The following SUV39H2 variants were observed in gnomAD, a reference collection of about 807,000 sequenced individuals.
SUV39H2 encodes the protein histone-lysine N-methyltransferase SUV39H2.
In SUV39H2, 10 loss-of-function variants were observed where a neutral mutation model predicts 47.5. That is an observed-to-expected ratio of 0.21 (90% CI 0.13 to 0.36). SUV39H2 has a LOEUF of 0.36. Among genes scored for constraint, SUV39H2 ranks in the 10% least tolerant of loss-of-function variants. The pLI is 1.00. For synonymous variants in SUV39H2, 159 were observed against 166.8 expected (o/e 0.95, Z 0.36); for missense variants, 266 against 487.4 (o/e 0.55, Z 4.28).
intron 3 of SUV39H2, 135 bp downstream of exon 3, chr10:14,897,652 G>A: frequency 1.3e-6 from 1 of 776,160 alleles, no homozygotes; most frequent in Non-Finnish European, 1.8e-6. Flanking sequence ...AATTTATTCA[G>A]ATTTAGGAGA....
chr10:14,886,932 C>G (rs1833228814), intron 2 of SUV39H2, among the ~76,000 whole-genome samples: 1 of 152,192 alleles, frequency 6.6e-6, no homozygotes, highest in African/African-American at 2.4e-5. Flanking sequence ...TTGTAATTGA[C>G]TAGGGCTTCT....
chr10:14,901,202 T>C lies in SUV39H2; in HGVS notation c.1066T>C (p.Leu356=), dbSNP rs369793867. The C allele has an allele frequency of 6.2e-7, 1 of 1,613,940 alleles. No homozygotes were observed. Among genetic ancestry groups the C allele is most frequent in the African/African-American group, 1.3e-5 (1 of 74,908 alleles). Residue 356 remains leucine, a synonymous_variant, in exon 5 of 6, where the codon TTG becomes CTG. Coordinates refer to ENST00000354919, the MANE Select transcript of SUV39H2 (RefSeq NM_001193424.2). The part of the protein sequence containing the change: ...NLDTRLPRIA[L]FSTRTINAGE... ...CGATACTCGTCTTCCCCGAATAGCA[T>C]TGTTTTCCACAAGAACCATAAATGC...
At chr10:14,893,565 A>C (rs1833465131) in intron 2 of SUV39H2, among the ~76,000 whole-genome samples, 1 of 152,180 alleles carries the variant, frequency 6.6e-6, no homozygotes, top group Non-Finnish European at 1.5e-5. Context: ...TTGGCATTTT[A>C]GCTTATTCTT....
rs558567992 is a variant in SUV39H2 at position 14,884,675 on chromosome 10, G to A, written c.177+3030G>A. Among the ~76,000 whole-genome samples, 13 of 152,178 alleles carry A rather than the reference G, an allele frequency of 8.5e-5. No individual in the cohort carries two copies. The South Asian group carries it at 1.5e-3, about 17-fold the overall frequency. ...TGTGCCCCTCAGTGACCTTTTAGTC[G>A]TCAGATTTGAAGACCTTGCATCTTA... On this transcript the variant is annotated intron_variant, in intron 2 of 5. Coordinates refer to ENST00000354919, the MANE Select transcript of SUV39H2 (RefSeq NM_001193424.2).
chr10:14,884,830 CCTTT>C (rs1833154410), intron 2 of SUV39H2, among the ~76,000 whole-genome samples: 1 of 152,186 alleles, frequency 6.6e-6, no homozygotes, highest in Non-Finnish European at 1.5e-5. Context: ...AGTTACTTAG[CCTTT>C]CTGTCTTTCA....
chr10:14,892,959 A>G (rs1370892530), intron 2 of SUV39H2, among the ~76,000 whole-genome samples: 1 of 149,320 alleles, frequency 6.7e-6, no homozygotes, highest in Non-Finnish European at 1.5e-5. Context: ...AGCTGGGATT[A>G]CAGGTGCCTG....
intron 2 of SUV39H2, among the ~76,000 whole-genome samples, chr10:14,886,659 T>C (rs963485370): frequency 6.6e-6 from 1 of 152,244 alleles, no homozygotes; most frequent in Non-Finnish European, 1.5e-5. Context: ...TCTCGTATAC[T>C]TACTCAACAA....
Position 14,878,900 on chromosome 10 carries a change from CG to C in SUV39H2, c.16del (p.Ala6ProfsTer12). 6.7e-7 allele frequency: 1 copy of C among 1,484,316 alleles called. No homozygotes were observed. Among genetic ancestry groups the C allele is most frequent in the South Asian group, 1.3e-5 (1 of 74,930 alleles). 91.9% of individuals were successfully genotyped at this position (1,484,316 alleles called of 1,614,324 possible). A position where few individuals can be genotyped will look rare whatever the true frequency, so the allele number is the denominator to read the frequency against. On this transcript the variant is annotated frameshift_variant, in exon 1 of 6. Transcript: ENST00000354919. LOFTEE classifies it high-confidence loss of function. ...GAAAGCTCTACAAGATGGCGGCGGT[CG>C]GGGCCGAGGCGCGAGGAGGTGAGGC... is the stretch of plus-strand genomic sequence containing the variant. MAAVGAEARGAWCVP... is the reference protein window; with the variant it reads MAAVXAEARGAWCVP...
rs1177420899 is a variant in SUV39H2, at chr10:14,902,399, T to A, written c.1127-7T>A. 1 of 1,581,024 alleles carries A rather than the reference T, an allele frequency of 6.3e-7. No homozygotes were observed. The highest frequency in any genetic ancestry group is 1.2e-5 in the South Asian group (1 of 86,642). Reference sequence around the variant, plus strand: ...TTTCTCCTATATTTCTTTTTCTGTGTCTTCAGGTTCTGGAGATATATCTTC... The same window carrying A: ...TTTCTCCTATATTTCTTTTTCTGTGACTTCAGGTTCTGGAGATATATCTTC... On this transcript the variant is annotated splice_polypyrimidine_tract_variant and splice_region_variant and intron_variant, in intron 5 of 5. Transcript: ENST00000354919.
In SUV39H2 at chr10:14,896,968, T is replaced by C; in HGVS notation, c.300T>C (p.Tyr100=). 2 of 1,614,102 alleles carry C rather than the reference T, an allele frequency of 1.2e-6. No homozygotes were observed. The highest frequency in any genetic ancestry group is 1.7e-6 in the Non-Finnish European group (2 of 1,180,004). The change falls in exon 3 of 6, where the codon TAT becomes TAC. Residue 100 remains tyrosine (Y), a synonymous_variant. Transcript: ENST00000354919. ...LQQFSNDKHN[Y]LSQVKKGKAI... ...AATTCTCTAATGACAAGCATAATTA[T>C]TTATCTCAGGTAAAGAAAGGCAAAG...
At chr10:14,893,393 G>A (rs1019299966) in intron 2 of SUV39H2, among the ~76,000 whole-genome samples, 1 of 152,178 alleles carries the variant, frequency 6.6e-6, no homozygotes, top group Non-Finnish European at 1.5e-5. Context: ...TGGCCGGGAA[G>A]TGGCTTTAAA....
At chr10:14,889,191 C>T (rs375239375) in intron 2 of SUV39H2, among the ~76,000 whole-genome samples, 10 of 151,474 alleles carry the variant, frequency 6.6e-5, no homozygotes, top group Admixed American at 1.3e-4. Flanking sequence ...TTCAAGAAAA[C>T]GAGAGGGCTA....
chr10:14,885,829 C>T (rs981644361), intron 2 of SUV39H2, among the ~76,000 whole-genome samples: 5 of 152,188 alleles, frequency 3.3e-5, no homozygotes, highest in African/African-American at 1.2e-4. Flanking sequence ...GTGTGACCAC[C>T]TTCACTTAGC....
chr10:14,888,567 C>T (rs780990556), intron 2 of SUV39H2, among the ~76,000 whole-genome samples: 28 of 151,356 alleles, frequency 1.8e-4, no homozygotes, highest in Non-Finnish European at 2.8e-4. Flanking sequence ...ACCCAGGAGG[C>T]GGAGGTTGCA....
intron 4 of SUV39H2, among the ~76,000 whole-genome samples, chr10:14,900,254 T>C (rs1833906258): frequency 6.6e-6 from 1 of 152,210 alleles, no homozygotes; most frequent in Non-Finnish European, 1.5e-5. Context: ...GGACTCTAAA[T>C]AATTTCCAAA....
At chr10:14,902,021 A>G (rs1304514448) in intron 5 of SUV39H2, among the ~76,000 whole-genome samples, 1 of 152,200 alleles carries the variant, frequency 6.6e-6, no homozygotes, top group East Asian at 1.9e-4. Context: ...GATGGCCTTT[A>G]CATATTGTCA....
intron 3 of SUV39H2, 184 bp downstream of exon 3, chr10:14,897,701 A>G (rs1175938614): frequency 9.1e-6 from 4 of 437,598 alleles, no homozygotes; most frequent in East Asian, 3.7e-5. Flanking sequence ...AAACTTTTAT[A>G]TGAATAAAAA....
chr10:14,895,132 T>G (rs1459568054), intron 2 of SUV39H2, among the ~76,000 whole-genome samples: 1 of 152,174 alleles, frequency 6.6e-6, no homozygotes. Context: ...ACTTCAAAAT[T>G]TGTTAGACAC....
chr10:14,884,552 C>T (rs1417591203), intron 2 of SUV39H2, among the ~76,000 whole-genome samples: 1 of 152,190 alleles, frequency 6.6e-6, no homozygotes. Flanking sequence ...AGTCTGGATA[C>T]AAATCCCTTA....
Sources: gnomAD v4.1 joint callset for allele counts (sites outside exome capture counted in the v4.1 genomes callset) on GRCh38, gnomAD v4.1.1 for gene constraint, MANE v1.5 for transcripts, NCBI Gene and HGNC (gene_info 2026-07-23, HGNC 2026-07-21) for gene names.